NRXN1: variants seen among roughly 807,000 people sequenced by gnomAD.
The protein encoded by NRXN1 is neurexin-1.
In NRXN1, 39 loss-of-function variants were observed where a neutral mutation model predicts 150.9. The observed-to-expected ratio is 0.26, with a 90% CI of 0.20 to 0.34. The LOEUF is 0.34. Among genes scored for constraint, NRXN1 ranks in the 10% least tolerant of loss-of-function variants. The pLI is 1.00. For missense variants in NRXN1, 1,815 were observed against 1,949.9 expected (o/e 0.93, Z 1.30); for synonymous variants, 924 against 757.0 (o/e 1.22, Z -3.62).
chr2:50,735,698 C>A (rs768175781), intron 5 of NRXN1, among the ~76,000 whole-genome samples: 4 of 152,128 alleles, frequency 2.6e-5, no homozygotes, highest in African/African-American at 9.7e-5. Flanking sequence ...TAGTCCCATA[C>A]CCAAATGGCT....
chr2:50,424,764 T>C (rs541873080), intron 17 of NRXN1, among the ~76,000 whole-genome samples: 27 of 152,352 alleles, frequency 1.8e-4, no homozygotes, highest in African/African-American at 6.3e-4. Flanking sequence ...CCTGGATACC[T>C]ATTTGTACTA....
chr2:50,589,888 C>T (rs1673837387), intron 8 of NRXN1, among the ~76,000 whole-genome samples: 1 of 152,134 alleles, frequency 6.6e-6, no homozygotes, highest in Non-Finnish European at 1.5e-5. Context: ...GCACGTGCAC[C>T]CTCATTAGAC....
At chr2:50,270,805 G>A (rs1206188481) in intron 17 of NRXN1, among the ~76,000 whole-genome samples, 2 of 151,834 alleles carry the variant, frequency 1.3e-5, no homozygotes, top group East Asian at 1.9e-4. Flanking sequence ...AAGTAGCTGC[G>A]GCTACACCAC....
intron 17 of NRXN1, among the ~76,000 whole-genome samples, chr2:50,284,263 G>T (rs931189277): frequency 3.3e-5 from 5 of 152,066 alleles, no homozygotes; most frequent in Non-Finnish European, 7.4e-5. Flanking sequence ...TTAATCCAAG[G>T]CCGATACTGT....
At chr2:50,238,801 C>G (rs1324979610) in intron 17 of NRXN1, among the ~76,000 whole-genome samples, 2 of 151,956 alleles carry the variant, frequency 1.3e-5, no homozygotes, top group Non-Finnish European at 2.9e-5. Context: ...GTACCTGATG[C>G]TTAAATAGGA....
intron 5 of NRXN1, among the ~76,000 whole-genome samples, chr2:50,790,142 C>A (rs72837077): frequency 6.6e-6 from 1 of 151,642 alleles, no homozygotes; most frequent in African/African-American, 2.4e-5. Context: ...CCACCACACA[C>A]ACACACACAC....
intron 9 of NRXN1, among the ~76,000 whole-genome samples, chr2:50,552,230 A>G (rs113535266): frequency 0.034 from 5,164 of 152,208 alleles, 267 homozygotes; most frequent in African/African-American, 0.12. Flanking sequence ...CACTTCGGGT[A>G]CCTCCAAACA....
At chr2:50,403,095 C>G (rs2082506144) in intron 17 of NRXN1, among the ~76,000 whole-genome samples, 1 of 152,104 alleles carries the variant, frequency 6.6e-6, no homozygotes, top group African/African-American at 2.4e-5. Flanking sequence ...GCTGAGCTAT[C>G]AGACTTTCAA....
chr2:50,863,538 G>A (rs1676442524), intron 5 of NRXN1, among the ~76,000 whole-genome samples: 1 of 151,788 alleles, frequency 6.6e-6, no homozygotes, highest in African/African-American at 2.4e-5. Flanking sequence ...ACACCCCATA[G>A]CTTCACCAGG....
chr2:50,477,230 T>A lies in NRXN1; in HGVS notation c.3071-4759A>T, dbSNP rs141312370. Among the ~76,000 whole-genome samples, 751 of 152,196 alleles carry A rather than the reference T, an allele frequency of 4.9e-3. 5 individuals are homozygous for A. Among genetic ancestry groups the A allele is most frequent in the African/African-American group, 0.017 (719 of 41,532 alleles). On this transcript the variant is annotated intron_variant, in intron 15 of 22. Coordinates refer to ENST00000401669, the MANE Select transcript of NRXN1 (RefSeq NM_001330078.2). ...AGTAAAGTCAAAGGAAAGGCCACCA[T>A]AGAACTTATGACTGCTGGCTGAAAA...
intron 2 of NRXN1, among the ~76,000 whole-genome samples, chr2:50,997,164 T>C (rs1414845626): frequency 6.6e-6 from 1 of 152,044 alleles, no homozygotes; most frequent in African/African-American, 2.4e-5. Context: ...ATCCACATTA[T>C]ATTTAAGGAA....
intron 5 of NRXN1, among the ~76,000 whole-genome samples, chr2:50,755,560 A>C (rs140370482): frequency 6.6e-6 from 1 of 151,912 alleles, no homozygotes; most frequent in African/African-American, 2.4e-5. Flanking sequence ...TACCTGCTGT[A>C]ATTAAGTTTA....
chr2:50,881,100 C>T (rs1026131717), intron 5 of NRXN1, among the ~76,000 whole-genome samples: 1 of 151,884 alleles, frequency 6.6e-6, no homozygotes, highest in African/African-American at 2.4e-5. Context: ...TGAACTTACC[C>T]AGACTTCTCT....
At chr2:50,357,806 C>T (rs1210905954) in intron 17 of NRXN1, among the ~76,000 whole-genome samples, 5 of 152,158 alleles carry the variant, frequency 3.3e-5, no homozygotes, top group Non-Finnish European at 7.4e-5. Context: ...CAAATAGGAA[C>T]AGCTCTGGTC....
chr2:50,998,675 G>C (rs1179697232), intron 2 of NRXN1, among the ~76,000 whole-genome samples: 1 of 151,954 alleles, frequency 6.6e-6, no homozygotes, highest in Non-Finnish European at 1.5e-5. Context: ...GTTAGGATTA[G>C]AATATAAATC....
intron 18 of NRXN1, among the ~76,000 whole-genome samples, chr2:50,218,952 G>T (rs949562304): frequency 6.6e-6 from 1 of 151,616 alleles, no homozygotes; most frequent in Admixed American, 6.6e-5. Context: ...TATTCCAATA[G>T]CCTTTATTTT....
chr2:50,917,790 CTTACAAGCTACCCAGT>C (rs1423605419), intron 5 of NRXN1: 4 of 151,566 alleles, frequency 2.6e-5, no homozygotes, highest in African/African-American at 9.7e-5. Flanking sequence ...GTTTCTGTTA[CTTACAAGCTACCCAGT>C]TTATGGTATT....
rs1407995269 is a variant in NRXN1, at chr2:50,236,782, T to C, written c.3546+7A>G. On this transcript the variant is annotated splice_region_variant and intron_variant, in intron 18 of 22. Coordinates refer to ENST00000401669, the MANE Select transcript of NRXN1 (RefSeq NM_001330078.2). ...TAAAAGCTGAATCTTATGCAAAAAG[T>C]ACTTACTATATGCAGTTCTAGGTAG... is the stretch of plus-strand genomic sequence containing the variant. The C allele has an allele frequency of 3.1e-6, 5 of 1,612,052 alleles. No homozygotes were observed. The Admixed American group carries it at 6.7e-5, about 22-fold the overall frequency.
chr2:51,015,465 G>C (rs1453919186), intron 2 of NRXN1, among the ~76,000 whole-genome samples: 3 of 152,006 alleles, frequency 2.0e-5, no homozygotes, highest in Non-Finnish European at 4.4e-5. Context: ...GGGTCGAGGA[G>C]AAGGAAGGTG....
Sources: gnomAD v4.1 joint callset for allele counts (sites outside exome capture counted in the v4.1 genomes callset) on GRCh38, gnomAD v4.1.1 for gene constraint, MANE v1.5 for transcripts, NCBI Gene and HGNC (gene_info 2026-07-23, HGNC 2026-07-21) for gene names.